The following RBM33 variants were observed in gnomAD, a reference collection of about 807,000 sequenced individuals.
RBM33 encodes RNA binding motif protein 33.
Under a neutral mutation model 132.6 loss-of-function variants are expected in RBM33, and 28 were observed. That is an observed-to-expected ratio of 0.21 (90% CI 0.16 to 0.29). The LOEUF is 0.29. Among genes scored for constraint, RBM33 ranks in the 10% least tolerant of loss-of-function variants. The probability of loss-of-function intolerance (pLI) is 1.00; values close to 1 mark genes in which losing one functional copy is unlikely to be tolerated. For missense variants in RBM33, 1,291 were observed against 1,518.5 expected (o/e 0.85, Z 2.49); for synonymous variants, 634 against 593.0 (o/e 1.07, Z -1.01).
Position 155,778,041 on chromosome 7 carries a change from G to T in RBM33, c.*3000G>T, listed in dbSNP as rs1292828311. ...CATTACCACTGGTCTGGCCACGTTTGTTAAATCCTTATACTGATATTCTTC... is the reference window on the plus strand; with the variant it reads ...CATTACCACTGGTCTGGCCACGTTTTTTAAATCCTTATACTGATATTCTTC... On this transcript the variant is annotated 3_prime_UTR_variant, in exon 18 of 18. Transcript: ENST00000401878. This position sits in a 1 kb window ranked among gnomAD's most constrained non-coding sequence, Gnocchi z 4.0. 1 of 152,656 alleles carries T rather than the reference G, an allele frequency of 6.6e-6. No individual in the cohort carries two copies. The highest frequency in any genetic ancestry group is 2.4e-5 in the African/African-American group (1 of 41,466). 9.5% of individuals were successfully genotyped at this position (152,656 alleles called of 1,614,324 possible).
Position 155,762,302 on chromosome 7 carries a change from C to T in RBM33, c.2980-1510C>T, listed in dbSNP as rs554509040. Among the ~76,000 whole-genome samples, 197 of 152,358 alleles carry T rather than the reference C, an allele frequency of 1.3e-3. 4 individuals are homozygous for T. The highest frequency in any genetic ancestry group is 4.5e-3 in the African/African-American group (187 of 41,588). Reference sequence around the variant, plus strand: ...CATGGGCTTCCCTGTGCCTTTCCCTCTGAGGGTGCTGTATGGCCAGTGCTG... The same window carrying T: ...CATGGGCTTCCCTGTGCCTTTCCCTTTGAGGGTGCTGTATGGCCAGTGCTG... On this transcript the variant is annotated intron_variant, in intron 14 of 17. Transcript: ENST00000401878.
intron 9 of RBM33, among the ~76,000 whole-genome samples, chr7:155,730,565 C>T: frequency 6.6e-6 from 1 of 152,148 alleles, no homozygotes; most frequent in Non-Finnish European, 1.5e-5. Context: ...CAGTCATGAG[C>T]TCAAGGCTGT....
At chr7:155,757,229 C>T (rs1043903073) in intron 14 of RBM33, among the ~76,000 whole-genome samples, 1 of 152,112 alleles carries the variant, frequency 6.6e-6, no homozygotes, top group Non-Finnish European at 1.5e-5. Context: ...ACGCTCCTGG[C>T]CACAACCTAG....
chr7:155,763,695 G>T lies in RBM33; in HGVS notation c.2980-117G>T, dbSNP rs546195605. 17 of 909,944 alleles carry T rather than the reference G, an allele frequency of 1.9e-5. 1 individual carries two copies. In the South Asian group the frequency reaches 2.1e-4, roughly 12 times the overall value. The allele number at this position is 909,944 out of a possible 1,614,324, so 56.4% of individuals were successfully genotyped here. Reference sequence around the variant, plus strand: ...AAATGACAAGTTTCGAGTCACACTTGTTTGAAATGGTTTTGCTTTGTGGGT... The same window carrying T: ...AAATGACAAGTTTCGAGTCACACTTTTTTGAAATGGTTTTGCTTTGTGGGT... On this transcript the variant is annotated intron_variant, in intron 14 of 17. Transcript: ENST00000401878.
Position 155,739,858 on chromosome 7 carries a change from A to G in RBM33, c.1881A>G (p.Pro627=), listed in dbSNP as rs1242040227. Residue 627 remains proline, a synonymous_variant, in exon 12 of 18, where the codon CCA becomes CCG. Transcript: ENST00000401878. ...PQHQPPPQHP[P]QHPPQHQHHH... ...ACCAGCCCCCACCCCAGCACCCACC[A>G]CAGCACCCGCCGCAGCACCAGCACC... 9.9e-6 allele frequency: 10 copies of G among 1,008,460 alleles called. No homozygotes were observed. The African/African-American group carries it at 1.2e-4, about 12-fold the overall frequency. The allele number at this position is 1,008,460 out of a possible 1,614,324, so 62.5% of individuals were successfully genotyped here.
Position 155,673,768 on chromosome 7 carries a change from G to GCACACACACACACACA in RBM33, c.171+871_171+886dup, listed in dbSNP as rs369116329. Among the ~76,000 whole-genome samples the GCACACACACACACACA allele has an allele frequency of 3.5e-3, 470 of 132,958 alleles. 6 individuals are homozygous for GCACACACACACACACA. The highest frequency in any genetic ancestry group is 0.011 in the Middle Eastern group (3 of 270). 87.2% of individuals were successfully genotyped at this position (132,958 alleles called of 152,430 possible). A position where few individuals can be genotyped will look rare whatever the true frequency, so the allele number is the denominator to read the frequency against. ...CACGTGTATATACGCGCGCATGCGC[G>GCACACACACACACACA]CACACACACACACACACACACACAC... On this transcript the variant is annotated intron_variant, in intron 3 of 17. Transcript: ENST00000401878.
rs754177553 is a variant in RBM33 at position 155,739,879 on chromosome 7, G to GCACCAC, written c.1919_1924dup (p.His640_His641dup). The GCACCAC allele has an allele frequency of 2.3e-4, 316 of 1,386,470 alleles. No individual in the cohort carries two copies. Among genetic ancestry groups the GCACCAC allele is most frequent in the Middle Eastern group, 5.8e-4 (3 of 5,184 alleles). 85.9% of individuals were successfully genotyped at this position (1,386,470 alleles called of 1,614,324 possible). On this transcript the variant is annotated inframe_insertion, in exon 12 of 18. Transcript: ENST00000401878. The stretch of plus-strand genomic sequence containing the variant: ...CACCACAGCACCCGCCGCAGCACCA[G>GCACCAC]CACCACCACCACCACCACCACCTGT...
intron 6 of RBM33, among the ~76,000 whole-genome samples, chr7:155,701,921 A>G (rs1372110078): frequency 6.6e-6 from 1 of 152,132 alleles, no homozygotes; most frequent in Non-Finnish European, 1.5e-5. Flanking sequence ...CTCCTGACCA[A>G]GTGATCCACC....
chr7:155,723,079 A>G (rs1800674128), intron 9 of RBM33, among the ~76,000 whole-genome samples: 1 of 152,224 alleles, frequency 6.6e-6, no homozygotes, highest in African/African-American at 2.4e-5. Context: ...ACAGAACATC[A>G]CACATCTTAT....
At chr7:155,716,316 G>GTTTTT (rs59289310) in intron 8 of RBM33, among the ~76,000 whole-genome samples, 1,057 of 102,372 alleles carry the variant, frequency 0.01, 58 homozygotes, top group African/African-American at 0.038. Flanking sequence ...CTTTTCTGCT[G>GTTTTT]TTTTTTTTTT....
rs114830083 is a variant in RBM33, at chr7:155,744,857, T to C, written c.2338-104T>C. On this transcript the variant is annotated intron_variant, in intron 13 of 17. Transcript: ENST00000401878. ...ATTTTGAGTGACTTCTTTCAGATAC[T>C]GAATTAAAGGACTTGTGGTAAATGT... 1.4e-3 allele frequency: 1,559 copies of C among 1,134,422 alleles called. 22 individuals carry two copies. In the African/African-American group the frequency reaches 0.021, roughly 15 times the overall value. 70.3% of individuals were successfully genotyped at this position (1,134,422 alleles called of 1,614,324 possible).
At chr7:155,761,683 T>A (rs923723659) in intron 14 of RBM33, among the ~76,000 whole-genome samples, 4 of 152,210 alleles carry the variant, frequency 2.6e-5, no homozygotes, top group African/African-American at 9.6e-5. Flanking sequence ...TCTTGGTCAG[T>A]ATCCTTAAAG....
chr7:155,767,181 A>G (rs576558357), intron 16 of RBM33, among the ~76,000 whole-genome samples: 46 of 152,358 alleles, frequency 3.0e-4, no homozygotes, highest in East Asian at 9.6e-4. Context: ...GCTGCAAATG[A>G]GATGCATGAA....
intron 14 of RBM33, among the ~76,000 whole-genome samples, chr7:155,759,236 A>G (rs1585537203): frequency 3.9e-5 from 6 of 152,292 alleles, no homozygotes; most frequent in African/African-American, 1.2e-4. Flanking sequence ...ATAGAGATCA[A>G]GCCTACTTAA....
At chr7:155,707,936 G>T (rs1252261594) in intron 7 of RBM33, among the ~76,000 whole-genome samples, 1 of 152,130 alleles carries the variant, frequency 6.6e-6, no homozygotes, top group Non-Finnish European at 1.5e-5. Flanking sequence ...CTGGGATTAC[G>T]GGCGTGAGCC....
At chr7:155,760,308 C>T (rs994918706) in intron 14 of RBM33, among the ~76,000 whole-genome samples, 32 of 152,272 alleles carry the variant, frequency 2.1e-4, no homozygotes, top group Non-Finnish European at 2.8e-4. Flanking sequence ...TAAGTTCATA[C>T]GATGGAAGTC....
intron 9 of RBM33, among the ~76,000 whole-genome samples, chr7:155,731,190 C>CT (rs1353194589): frequency 6.6e-6 from 1 of 152,086 alleles, no homozygotes; most frequent in Non-Finnish European, 1.5e-5. Flanking sequence ...TGAGAAAAAT[C>CT]TTTTTGAGGA....
intron 16 of RBM33, among the ~76,000 whole-genome samples, chr7:155,769,372 G>A (rs755375469): frequency 1.6e-4 from 25 of 152,188 alleles, no homozygotes; most frequent in Non-Finnish European, 2.8e-4. Flanking sequence ...CAGCCTCCCT[G>A]GCTGGGCCCT....
Position 155,766,497 on chromosome 7 carries a change from G to A in RBM33, c.3217G>A (p.Ala1073Thr). The change falls in exon 16 of 18, where the codon GCC (alanine) becomes ACC (threonine). Residue 1073 changes from alanine (A) to threonine (T), a missense_variant. Coordinates refer to ENST00000401878, the MANE Select transcript of RBM33 (RefSeq NM_053043.3). The stretch of plus-strand genomic sequence containing the variant: ...CATGCACGGACGAGGCAGAGGAGTG[G>A]CCGGTCCCATGGGCCGGGGGCGCCT... The part of the protein sequence containing the change: ...AIMHGRGRGV[A>T]GPMGRGRLMP... 6.2e-7 allele frequency: 1 copy of A among 1,613,732 alleles called. No individual in the cohort carries two copies. The highest frequency in any genetic ancestry group is 8.5e-7 in the Non-Finnish European group (1 of 1,179,846).
Sources: allele counts gnomAD v4.1 joint callset (sites outside exome capture counted in the v4.1 genomes callset), GRCh38; gene constraint gnomAD v4.1.1; non-coding constraint Gnocchi (gnomAD v3.1); transcripts MANE v1.5; gene names NCBI Gene and HGNC (gene_info 2026-07-23, HGNC 2026-07-21).